Variants in PTRH1 observed in about 807,000 individuals in gnomAD.
PTRH1 encodes the protein peptidyl-tRNA hydrolase.
Under a neutral mutation model 15.7 loss-of-function variants are expected in PTRH1, and 13 were observed. The ratio of observed to expected loss-of-function variants is 0.83; its 90% CI spans 0.54 to 1.31. The LOEUF (loss-of-function observed/expected upper bound fraction) is 1.31, where lower values mean the gene tolerates loss of function less well. Ranked by LOEUF, PTRH1 falls within the 40% of genes most tolerant of loss-of-function variation. The pLI, the probability that PTRH1 is intolerant of heterozygous loss-of-function variation, is 0.00. For missense variants in PTRH1, 319 were observed against 296.2 expected, an observed-to-expected ratio of 1.08 and a Z score of -0.56; for synonymous variants, 139 against 136.7, an observed-to-expected ratio of 1.02 and a Z score of -0.12.
chr9:127,713,901 A>G lies in PTRH1; in HGVS notation c.*199T>C, dbSNP rs778653662. 6.2e-7 allele frequency: 1 copy of G among 1,613,404 alleles called. No homozygotes were observed. The highest frequency in any genetic ancestry group is 1.1e-5 in the South Asian group (1 of 91,064). ...CTTCCTGAAGTTCCCCTACGTCCCA[A>G]GTAGGACACAGAGAGAAGAACCTAC... On this transcript the variant is annotated 3_prime_UTR_variant, in exon 5 of 5. Transcript: ENST00000543175.
downstream of PTRH1, chr9:127,710,471 G>C (rs1842739428): frequency 4.5e-6 from 5 of 1,123,280 alleles, no homozygotes; most frequent in South Asian, 6.1e-5. Context: ...GGGGATGGTA[G>C]ACCTGCCCCA....
chr9:127,699,364 G>A (rs1298618789), intron 1 of PTRH1, among the ~76,000 whole-genome samples: 1 of 152,236 alleles, frequency 6.6e-6, no homozygotes. Context: ...CAAGGAAAAG[G>A]CCGACACCCA....
rs1842638438 is a variant in PTRH1, at chr9:127,705,584, C to T, written c.205+9851G>A. ...CATTAAGCTGGGAATTCAGAGCTAC[C>T]CCCTGCAATGGGCCTGGGGAAAAGA... On this transcript the variant is annotated intron_variant, in intron 1 of 2. Transcript: ENST00000335223. The surrounding 1 kb of genome is among the most constrained non-coding windows in gnomAD (Gnocchi z 4.7). 2.0e-5 allele frequency among the ~76,000 whole-genome samples: 3 copies of T among 152,234 alleles called. No individual in the cohort carries two copies. The highest frequency in any genetic ancestry group is 4.8e-5 in the African/African-American group (2 of 41,468).
chr9:127,707,777 ATTT>A, intron 1 of PTRH1, among the ~76,000 whole-genome samples: 1 of 152,250 alleles, frequency 6.6e-6, no homozygotes, highest in East Asian at 1.9e-4. Flanking sequence ...CCTGCCCGTC[ATTT>A]TCTTATGTTA....
chr9:127,709,363 C>CA (rs1842711685), downstream of PTRH1: 1 of 1,563,316 alleles, frequency 6.4e-7, no homozygotes, highest in East Asian at 2.3e-5. The surrounding 1 kb of genome is among the most constrained non-coding windows in gnomAD (Gnocchi z 4.7). Flanking sequence ...GGCCCAGCTG[C>CA]ACCAGAGGCC....
In PTRH1 at chr9:127,713,994, G is replaced by C. The variant is rs950241233; in HGVS notation, c.*106C>G. Reference sequence around the variant, plus strand: ...TCCGCAGGCAGCCTGGAACAGTCTAGAGGAGATTTGTATAAAAAGTAGATA... The same window carrying C: ...TCCGCAGGCAGCCTGGAACAGTCTACAGGAGATTTGTATAAAAAGTAGATA... On this transcript the variant is annotated 3_prime_UTR_variant, in exon 5 of 5. Transcript: ENST00000543175. 1.8e-5 allele frequency: 28 copies of C among 1,577,572 alleles called. No homozygotes were observed. The highest frequency in any genetic ancestry group is 2.4e-5 in the Non-Finnish European group (27 of 1,148,114).
chr9:127,713,279 C>CCA, downstream of PTRH1: 14 of 1,166,708 alleles, frequency 1.2e-5, no homozygotes, highest in Non-Finnish European at 1.7e-5. Flanking sequence ...CTCTGCCAGG[C>CCA]CACAGCTGTG....
chr9:127,712,727 G>A (rs1394440221), downstream of PTRH1: 1 of 1,614,046 alleles, frequency 6.2e-7, no homozygotes, highest in Non-Finnish European at 8.5e-7. Flanking sequence ...CGATGAAGAG[G>A]ACAGTGACGT....
chr9:127,713,827 C>G lies in PTRH1; in HGVS notation c.*273G>C, dbSNP rs535374042. 6.2e-7 allele frequency: 1 copy of G among 1,613,130 alleles called. No individual in the cohort carries two copies. The highest frequency in any genetic ancestry group is 1.3e-5 in the African/African-American group (1 of 75,008). On this transcript the variant is annotated 3_prime_UTR_variant, in exon 5 of 5. Coordinates refer to ENST00000543175, the MANE Select transcript of PTRH1 (RefSeq NM_001002913.3). ...CGGCCTCCAAGCCAGCATCTTTAAT[C>G]TTACAGATGCGTGCCCCTGGTTCTC...
intron 2 of PTRH1, 52 bp from the exon 3 acceptor site, chr9:127,714,754 C>A (rs371304698): frequency 1.4e-6 from 2 of 1,466,432 alleles, no homozygotes; most frequent in South Asian, 1.2e-5. Flanking sequence ...CCCAGAGAGG[C>A]ACTGTCCCGA....
At chr9:127,700,664 G>A (rs979162270) in intron 1 of PTRH1, among the ~76,000 whole-genome samples, 8 of 152,108 alleles carry the variant, frequency 5.3e-5, no homozygotes, top group African/African-American at 1.7e-4. Context: ...ACAGGACCTC[G>A]GGCCATGGCA....
At chr9:127,711,660 C>T (rs1312524802), downstream of PTRH1, among the ~76,000 whole-genome samples, 1 of 152,162 alleles carries the variant, frequency 6.6e-6, no homozygotes, top group Non-Finnish European at 1.5e-5. Context: ...GGCCTAGCTC[C>T]GGATTGTATT....
Position 127,715,422 on chromosome 9 carries a change from GCACTGAACTCAC to G in PTRH1, c.96+110_96+121del. 7.1e-7 allele frequency: 1 copy of G among 1,413,652 alleles called. No homozygotes were observed. Among genetic ancestry groups the G allele is most frequent in the Non-Finnish European group, 9.8e-7 (1 of 1,024,420 alleles). The allele number at this position is 1,413,652 out of a possible 1,614,324, so 87.6% of individuals were successfully genotyped here. On this transcript the variant is annotated intron_variant, in intron 1 of 4. Transcript: ENST00000543175. This position sits in a 1 kb window ranked among gnomAD's most constrained non-coding sequence, Gnocchi z 5.8. ...CTTCAAGAAGTTTGGAGCCCGTCGA[GCACTGAACTCAC>G]CAGTTAAGAAAACAGAGCAGCAATT... is the stretch of plus-strand genomic sequence containing the variant.
downstream of PTRH1, chr9:127,713,304 T>C: frequency 1.1e-6 from 1 of 922,464 alleles, no homozygotes; most frequent in Middle Eastern, 3.3e-4. Flanking sequence ...CCTGGGGATG[T>C]AACCAGATCT....
intron 1 of PTRH1, among the ~76,000 whole-genome samples, chr9:127,698,129 G>A (rs1369788366): frequency 5.9e-5 from 9 of 152,110 alleles, no homozygotes; most frequent in African/African-American, 1.7e-4. Flanking sequence ...GTTTGGTGGC[G>A]TGTGCCTGTA....
chr9:127,707,231 C>A, intron 1 of PTRH1: 1 of 1,596,406 alleles, frequency 6.3e-7, no homozygotes, highest in South Asian at 1.1e-5. Context: ...TGCCCTGGGT[C>A]AGAAGCCCAT....
At chr9:127,700,124 C>T (rs767755877) in intron 1 of PTRH1, among the ~76,000 whole-genome samples, 1 of 152,116 alleles carries the variant, frequency 6.6e-6, no homozygotes, top group Admixed American at 6.6e-5. Flanking sequence ...TTGGAACCTG[C>T]GCTTCTGCTG....
Position 127,715,329 on chromosome 9 carries a change from C to T in PTRH1, c.97-135G>A. The T allele has an allele frequency of 7.9e-7, 1 of 1,260,480 alleles. No homozygotes were observed. The highest frequency in any genetic ancestry group is 1.1e-6 in the Non-Finnish European group (1 of 895,084). 78.1% of individuals were successfully genotyped at this position (1,260,480 alleles called of 1,614,324 possible). On this transcript the variant is annotated intron_variant, in intron 1 of 4. Transcript: ENST00000543175. This position sits in a 1 kb window ranked among gnomAD's most constrained non-coding sequence, Gnocchi z 5.8. ...GTGGGGAAGGGGCGCGAAGAAGGGGCCCAGAAACCCGACCCCTGAGAACTC... is the reference window on the plus strand; with the variant it reads ...GTGGGGAAGGGGCGCGAAGAAGGGGTCCAGAAACCCGACCCCTGAGAACTC...
At chr9:127,694,994 T>C (rs1393170415) in exon 2 of PTRH1, 4 of 702,728 alleles carry the variant, frequency 5.7e-6, no homozygotes, top group African/African-American at 5.2e-5. Flanking sequence ...CCTCCTGTAG[T>C]GCCCGTGGAG....
Sources: allele counts gnomAD v4.1 joint callset (sites outside exome capture counted in the v4.1 genomes callset), GRCh38; gene constraint gnomAD v4.1.1; non-coding constraint Gnocchi (gnomAD v3.1); transcripts MANE v1.5; gene names NCBI Gene and HGNC (gene_info 2026-07-23, HGNC 2026-07-21).